The following CNIH1 variants were observed in gnomAD, a reference collection of about 807,000 sequenced individuals.
CNIH1 encodes the protein cornichon family member 1.
CNIH1 carries 12 observed loss-of-function variants against 20.2 expected under a neutral mutation model. The ratio of observed to expected loss-of-function variants is 0.59; its 90% CI spans 0.38 to 0.96. The LOEUF (loss-of-function observed/expected upper bound fraction) is 0.96, where lower values mean the gene tolerates loss of function less well. Ranked by LOEUF, CNIH1 falls within the 40% of genes least tolerant of loss-of-function variation. The pLI, the probability that CNIH1 is intolerant of heterozygous loss-of-function variation, is 0.00. For missense variants in CNIH1, 152 were observed against 178.8 expected, an observed-to-expected ratio of 0.85 and a Z score of 0.85; for synonymous variants, 69 against 63.3, an observed-to-expected ratio of 1.09 and a Z score of -0.43.
At chr14:54,431,340 C>G (rs1005131401) in intron 3 of CNIH1, among the ~76,000 whole-genome samples, 7 of 152,020 alleles carry the variant, frequency 4.6e-5, no homozygotes, top group Non-Finnish European at 2.9e-5. Flanking sequence ...CTTGGCCAGG[C>G]TGGTCTTGAA....
Position 54,426,055 on chromosome 14 carries a change from C to G in CNIH1, c.*1759G>C, listed in dbSNP as rs1279058742. Reference sequence around the variant, plus strand: ...GTGCATGCTGATGTAATCAGGTGGACTGGAAACTGAATGACTGCCTGTGCT... The same window carrying G: ...GTGCATGCTGATGTAATCAGGTGGAGTGGAAACTGAATGACTGCCTGTGCT... On this transcript the variant is annotated 3_prime_UTR_variant, in exon 5 of 5. Transcript: ENST00000216416. The G allele has an allele frequency of 1.3e-5, 2 of 152,148 alleles. No homozygotes were observed. The highest frequency in any genetic ancestry group is 6.5e-5 in the Admixed American group (1 of 15,278). 9.4% of individuals were successfully genotyped at this position (152,148 alleles called of 1,614,324 possible).
intron 2 of CNIH1, among the ~76,000 whole-genome samples, chr14:54,432,872 A>G (rs909536929): frequency 8.5e-5 from 13 of 152,210 alleles, no homozygotes; most frequent in African/African-American, 3.1e-4. Flanking sequence ...CATGAAATTA[A>G]GATTTTCCAG....
At chr14:54,439,465 T>A (rs1252188122) in intron 1 of CNIH1, among the ~76,000 whole-genome samples, 1 of 151,472 alleles carries the variant, frequency 6.6e-6, no homozygotes, top group East Asian at 1.9e-4. Context: ...AGAATCCCCA[T>A]CATCCCAGAA....
intron 1 of CNIH1, among the ~76,000 whole-genome samples, chr14:54,439,460 C>T (rs917249190): frequency 1.4e-4 from 22 of 151,984 alleles, no homozygotes; most frequent in African/African-American, 5.1e-4. Flanking sequence ...CTCTAAGAAT[C>T]CCCATCATCC....
At chr14:54,437,899 A>T (rs928521338) in intron 1 of CNIH1, among the ~76,000 whole-genome samples, 1 of 152,202 alleles carries the variant, frequency 6.6e-6, no homozygotes, top group East Asian at 1.9e-4. Flanking sequence ...TGTCTATAAC[A>T]AGATCCAACT....
At chr14:54,433,593 C>A (rs1041166980) in intron 2 of CNIH1, among the ~76,000 whole-genome samples, 2 of 152,118 alleles carry the variant, frequency 1.3e-5, no homozygotes, top group Admixed American at 6.5e-5. Context: ...AGGACTATAA[C>A]CAGAACAAAC....
At chr14:54,436,241 A>T in intron 2 of CNIH1, 128 bp downstream of exon 2, 1 of 707,382 alleles carries the variant, frequency 1.4e-6, no homozygotes, top group South Asian at 1.5e-5. Flanking sequence ...AAGATTTTTT[A>T]AATTCTGCCT....
chr14:54,437,281 G>A (rs959994872), intron 1 of CNIH1, among the ~76,000 whole-genome samples: 3 of 152,190 alleles, frequency 2.0e-5, no homozygotes, highest in African/African-American at 4.8e-5. Context: ...TCACCCCAGG[G>A]ACACACAAAC....
intron 2 of CNIH1, among the ~76,000 whole-genome samples, chr14:54,435,388 T>C (rs1012303304): frequency 6.6e-6 from 1 of 152,092 alleles, no homozygotes; most frequent in Non-Finnish European, 1.5e-5. Context: ...AAAGAAAATT[T>C]AAAAATACAT....
At chr14:54,436,755 T>C (rs1442787079) in intron 1 of CNIH1, 1 of 473,748 alleles carries the variant, frequency 2.1e-6, no homozygotes, top group Admixed American at 2.5e-5. Context: ...AGAAAAATAA[T>C]TTCAACTGTT....
chr14:54,440,038 T>G (rs1296144020), intron 1 of CNIH1, among the ~76,000 whole-genome samples: 1 of 152,238 alleles, frequency 6.6e-6, no homozygotes, highest in Non-Finnish European at 1.5e-5. Flanking sequence ...TATTCCTGAT[T>G]ACAATAAGCA....
intron 3 of CNIH1, 141 bp downstream of exon 3, chr14:54,431,967 C>T (rs930896300): frequency 4.6e-6 from 2 of 434,918 alleles, no homozygotes; most frequent in African/African-American, 4.1e-5. Context: ...AGTTTTTGTT[C>T]ACCCACTTGA....
intron 2 of CNIH1, chr14:54,436,154 T>C (rs1316904934): frequency 8.5e-6 from 6 of 704,584 alleles, no homozygotes; most frequent in Non-Finnish European, 1.6e-5. Context: ...AAAAGCAGAT[T>C]GGAAGAATGT....
At chr14:54,431,559 C>T (rs2030943952) in intron 3 of CNIH1, among the ~76,000 whole-genome samples, 1 of 152,212 alleles carries the variant, frequency 6.6e-6, no homozygotes. Context: ...AAAACAAAAA[C>T]TTCTAACTCT....
At chr14:54,430,547 T>G (rs10400770) in intron 3 of CNIH1, 143 bp from the exon 4 acceptor site, 40,508 of 696,880 alleles carry the variant, frequency 0.058, 2,157 homozygotes, top group East Asian at 0.24. Flanking sequence ...AATGCTTTCC[T>G]TTTACCATCT....
At chr14:54,430,086 T>C in intron 4 of CNIH1, 175 bp downstream of exon 4, 2 of 627,142 alleles carry the variant, frequency 3.2e-6, no homozygotes, top group South Asian at 4.4e-5. Context: ...TTTACTGCCT[T>C]GACAAGCACC....
chr14:54,437,476 C>A (rs1219703138), intron 1 of CNIH1, among the ~76,000 whole-genome samples: 1 of 151,784 alleles, frequency 6.6e-6, no homozygotes, highest in African/African-American at 2.4e-5. Flanking sequence ...AAAATTCACC[C>A]ACCTGCCCTA....
Position 54,427,653 on chromosome 14 carries a change from C to T in CNIH1, c.*161G>A. On this transcript the variant is annotated 3_prime_UTR_variant, in exon 5 of 5. Transcript: ENST00000216416. ...ATAACATATGAAAACAGTCTTTCCA[C>T]AAGCAAAAATGTGGAAACATTTAAA... The T allele has an allele frequency of 2.9e-6, 2 of 695,894 alleles. No homozygotes were observed. Among genetic ancestry groups the T allele is most frequent in the Admixed American group, 2.6e-5 (1 of 37,752 alleles). The allele number at this position is 695,894 out of a possible 1,614,324, so 43.1% of individuals were successfully genotyped here.
rs2030817690 is a variant in CNIH1 at position 54,425,852 on chromosome 14, T to C, written c.*1962A>G. ...CTCCTGGAGAATATTCTGGAATAGA[T>C]TATTAAAAGGATGTTTGTTAACACT... On this transcript the variant is annotated 3_prime_UTR_variant, in exon 5 of 5. Coordinates refer to ENST00000216416, the MANE Select transcript of CNIH1 (RefSeq NM_005776.3). 6.6e-6 allele frequency: 1 copy of C among 152,160 alleles called. No individual in the cohort carries two copies. The highest frequency in any genetic ancestry group is 1.5e-5 in the Non-Finnish European group (1 of 68,016). 9.4% of individuals were successfully genotyped at this position (152,160 alleles called of 1,614,324 possible).
Sources: allele counts gnomAD v4.1 joint callset (sites outside exome capture counted in the v4.1 genomes callset), GRCh38; gene constraint gnomAD v4.1.1; transcripts MANE v1.5; gene names NCBI Gene and HGNC (gene_info 2026-07-23, HGNC 2026-07-21).